The following LRRC4B variants were observed in gnomAD, a reference collection of about 807,000 sequenced individuals.
The protein encoded by LRRC4B is leucine-rich repeat-containing protein 4B.
Under a neutral mutation model 7.3 loss-of-function variants are expected in LRRC4B, and 1 was observed. The observed-to-expected ratio is 0.14, with a 90% CI of 0.05 to 0.65. The LOEUF is 0.65. Among genes scored for constraint, LRRC4B ranks in the 30% least tolerant of loss-of-function variants. The pLI, the probability that LRRC4B is intolerant of heterozygous loss-of-function variation, is 0.84. For missense variants in LRRC4B, 730 were observed against 1,041.6 expected (o/e 0.70, Z 4.12); for synonymous variants, 500 against 499.2 (o/e 1.00, Z -0.02).
intron 2 of LRRC4B, among the ~76,000 whole-genome samples, chr19:50,523,208 C>T (rs1980657630): frequency 6.6e-6 from 1 of 152,166 alleles, no homozygotes; most frequent in Non-Finnish European, 1.5e-5. Context: ...GCCACACAGC[C>T]ATTGGATCAT....
chr19:50,520,112 G>A (rs8105632), intron 2 of LRRC4B, among the ~76,000 whole-genome samples: 2,159 of 141,144 alleles, frequency 0.015, 42 homozygotes, highest in African/African-American at 0.053. Context: ...AGGCTGAGGT[G>A]GGAGGATTGC....
intron 2 of LRRC4B, among the ~76,000 whole-genome samples, chr19:50,547,143 G>A (rs1450730005): frequency 6.6e-6 from 1 of 152,236 alleles, no homozygotes; most frequent in Non-Finnish European, 1.5e-5. Flanking sequence ...GGTGGAGACT[G>A]CAACTAGGGA....
chr19:50,524,278 C>A (rs1980706484), intron 2 of LRRC4B, among the ~76,000 whole-genome samples: 1 of 152,166 alleles, frequency 6.6e-6, no homozygotes, highest in African/African-American at 2.4e-5. Context: ...CAGAGTCTTG[C>A]TGTGTCACCC....
rs1277890088 is a variant in LRRC4B, at chr19:50,568,428, G to A, written c.-520C>T. ...AGCCGAGAGCGGCGGAGACGGGAGCGGAATACTGATGATGGTGGGAGCGGG... is the reference window on the plus strand; with the variant it reads ...AGCCGAGAGCGGCGGAGACGGGAGCAGAATACTGATGATGGTGGGAGCGGG... On this transcript the variant is annotated 5_prime_UTR_variant, in exon 1 of 3. Coordinates refer to ENST00000652263, the MANE Select transcript of LRRC4B (RefSeq NM_001080457.2). 1.4e-5 allele frequency among the ~76,000 whole-genome samples: 2 copies of A among 144,760 alleles called. No individual in the cohort carries two copies. The highest frequency in any genetic ancestry group is 3.0e-5 in the Non-Finnish European group (2 of 65,658). 95.0% of individuals were successfully genotyped at this position (144,760 alleles called of 152,430 possible). A position where few individuals can be genotyped will look rare whatever the true frequency, so the allele number is the denominator to read the frequency against.
chr19:50,528,037 G>T (rs1244175525), intron 2 of LRRC4B, among the ~76,000 whole-genome samples: 1 of 151,844 alleles, frequency 6.6e-6, no homozygotes, highest in Admixed American at 6.6e-5. Context: ...CACCGTGCCT[G>T]GCCCTCTCTC....
chr19:50,535,736 G>T (rs1981252728), intron 2 of LRRC4B, among the ~76,000 whole-genome samples: 1 of 152,162 alleles, frequency 6.6e-6, no homozygotes, highest in Admixed American at 6.5e-5. Flanking sequence ...CACTGACCCG[G>T]CTCAGGCCTA....
At chr19:50,528,139 T>C (rs1980898818) in intron 2 of LRRC4B, among the ~76,000 whole-genome samples, 1 of 151,882 alleles carries the variant, frequency 6.6e-6, no homozygotes, top group Non-Finnish European at 1.5e-5. Flanking sequence ...ACCTCCTGGG[T>C]CCCAGTGATT....
In LRRC4B at chr19:50,553,238, C is replaced by A. The variant is rs2122911987; in HGVS notation, c.-35-4365G>T. ...CCCCATTTCTGCCTTCACCCCCACT[C>A]CCCGTGCGTTCCCCACGGGCAGCGA... On this transcript the variant is annotated intron_variant, in intron 1 of 2. Transcript: ENST00000652263. The surrounding 1 kb of genome is among the most constrained non-coding windows in gnomAD (Gnocchi z 4.2). Among the ~76,000 whole-genome samples the A allele has an allele frequency of 6.6e-6, 1 of 152,300 alleles. No homozygotes were observed. The highest frequency in any genetic ancestry group is 2.4e-5 in the African/African-American group (1 of 41,576).
At position 50,519,426 on chromosome 19, in the gene LRRC4B, G is replaced by A. The variant is rs1270698980; in HGVS notation, c.298-11C>T. 1.0e-5 allele frequency: 16 copies of A among 1,570,636 alleles called. No homozygotes were observed. The highest frequency in any genetic ancestry group is 1.3e-5 in the African/African-American group (1 of 74,186). On this transcript the variant is annotated splice_polypyrimidine_tract_variant and intron_variant, in intron 2 of 2. Coordinates refer to ENST00000652263, the MANE Select transcript of LRRC4B (RefSeq NM_001080457.2). This position sits in a 1 kb window ranked among gnomAD's most constrained non-coding sequence, Gnocchi z 8.1. Reference sequence around the variant, plus strand: ...GTCCGTCCGGATCACCTGGGGAGAGGGAGACACGGATCAGTCACGGAGATA... The same window carrying A: ...GTCCGTCCGGATCACCTGGGGAGAGAGAGACACGGATCAGTCACGGAGATA...
intron 1 of LRRC4B, among the ~76,000 whole-genome samples, chr19:50,558,396 T>G (rs1193567690): frequency 6.6e-6 from 1 of 152,138 alleles, no homozygotes; most frequent in Non-Finnish European, 1.5e-5. Context: ...ACCCGGCTAA[T>G]TTTTTTGTAT....
intron 2 of LRRC4B, among the ~76,000 whole-genome samples, chr19:50,525,087 G>C: frequency 6.6e-6 from 1 of 152,222 alleles, no homozygotes; most frequent in East Asian, 1.9e-4. Context: ...CGTTCCCCGT[G>C]GACAGACACG....
At chr19:50,546,196 G>A (rs1441412955) in intron 2 of LRRC4B, among the ~76,000 whole-genome samples, 2 of 152,036 alleles carry the variant, frequency 1.3e-5, no homozygotes, top group South Asian at 2.1e-4. Context: ...TTTGCTGAGC[G>A]TGGCAGCAGG....
chr19:50,523,536 G>C (rs1980671480), intron 2 of LRRC4B, among the ~76,000 whole-genome samples: 1 of 151,808 alleles, frequency 6.6e-6, no homozygotes, highest in African/African-American at 2.4e-5. Flanking sequence ...AAATTAGCCG[G>C]GGGTGGTGGG....
rs1232703872 is a variant in LRRC4B, at chr19:50,556,423, G to A, written c.-35-7550C>T. 1.3e-5 allele frequency among the ~76,000 whole-genome samples: 2 copies of A among 152,164 alleles called. No individual in the cohort carries two copies. The highest frequency in any genetic ancestry group is 4.8e-5 in the African/African-American group (2 of 41,440). ...TCCACACCAGACCCGTTCCCCTGAG[G>A]GGACTTTGCCCCTGCTGTGCCCTCG... On this transcript the variant is annotated intron_variant, in intron 1 of 2. Transcript: ENST00000652263. This position sits in a 1 kb window ranked among gnomAD's most constrained non-coding sequence, Gnocchi z 4.2.
intron 2 of LRRC4B, among the ~76,000 whole-genome samples, chr19:50,547,961 C>T (rs770122262): frequency 2.6e-5 from 4 of 151,996 alleles, no homozygotes; most frequent in Non-Finnish European, 4.4e-5. Flanking sequence ...GAAATGGGGA[C>T]GCAAACCCTG....
In LRRC4B at chr19:50,550,407, C is replaced by T. The variant is rs548010534; in HGVS notation, c.-35-1534G>A. Among the ~76,000 whole-genome samples, 9 of 151,716 alleles carry T rather than the reference C, an allele frequency of 5.9e-5. No individual in the cohort carries two copies. The East Asian group carries it at 1.6e-3, about 26-fold the overall frequency. On this transcript the variant is annotated intron_variant, in intron 1 of 2. Coordinates refer to ENST00000652263, the MANE Select transcript of LRRC4B (RefSeq NM_001080457.2). ...AGGTCACACAAACACGCACACCGAC[C>T]CACTCACACACTCAGCAGTGATGGG...
chr19:50,535,857 C>T (rs947856438), intron 2 of LRRC4B, among the ~76,000 whole-genome samples: 38 of 152,364 alleles, frequency 2.5e-4, no homozygotes, highest in African/African-American at 7.5e-4. Flanking sequence ...CTACCCGCCT[C>T]CCACCCTTCC....
intron 2 of LRRC4B, among the ~76,000 whole-genome samples, chr19:50,543,651 A>G (rs544663895): frequency 1.3e-5 from 2 of 151,914 alleles, no homozygotes; most frequent in Admixed American, 6.6e-5. Context: ...CAGGAGTTCG[A>G]GACCAGCCGG....
chr19:50,564,882 C>G (rs1040082858), intron 1 of LRRC4B, among the ~76,000 whole-genome samples: 2 of 6,240 alleles, frequency 3.2e-4, no homozygotes, highest in African/African-American at 8.4e-4. Context: ...GCCACCCCCG[C>G]CCCCAATCCC....
Sources: allele counts gnomAD v4.1 joint callset (sites outside exome capture counted in the v4.1 genomes callset), GRCh38; gene constraint gnomAD v4.1.1; non-coding constraint Gnocchi (gnomAD v3.1); transcripts MANE v1.5; gene names NCBI Gene and HGNC (gene_info 2026-07-23, HGNC 2026-07-21).